Variants in GLIS3 observed in about 807,000 individuals in gnomAD.
GLIS3 encodes GLIS family zinc finger 3.
Under a neutral mutation model 78.6 loss-of-function variants are expected in GLIS3, and 53 were observed. That is an observed-to-expected ratio of 0.67 (90% CI 0.54 to 0.85). The LOEUF (loss-of-function observed/expected upper bound fraction) is 0.85, where lower values mean the gene tolerates loss of function less well. Among genes scored for constraint, GLIS3 ranks in the 40% least tolerant of loss-of-function variants. The pLI is 0.00. For synonymous variants in GLIS3, 684 were observed against 509.9 expected (o/e 1.34, Z -4.60); for missense variants, 1,703 against 1,231.1 (o/e 1.38, Z -5.74).
intron 6 of GLIS3, among the ~76,000 whole-genome samples, chr9:3,926,518 C>G (rs1423682025): frequency 6.6e-6 from 1 of 150,530 alleles, no homozygotes; most frequent in Non-Finnish European, 1.5e-5. Flanking sequence ...GCGTGAGCCA[C>G]CGCACGCGGC....
the GLIS3 span, among the ~76,000 whole-genome samples, chr9:4,387,324 T>A: frequency 6.6e-6 from 1 of 152,024 alleles, no homozygotes; most frequent in Admixed American, 6.6e-5. Flanking sequence ...CTTTTTTTGG[T>A]CAGGTTCTTA....
intron 8 of GLIS3, among the ~76,000 whole-genome samples, chr9:3,862,318 C>T (rs1163132570): frequency 1.3e-5 from 2 of 152,060 alleles, no homozygotes; most frequent in Admixed American, 6.6e-5. Flanking sequence ...AGTGGGAGAG[C>T]GTGTCAGCAA....
At chr9:4,356,587 G>C in the GLIS3 span, among the ~76,000 whole-genome samples, 1 of 152,224 alleles carries the variant, frequency 6.6e-6, no homozygotes, top group African/African-American at 2.4e-5. Flanking sequence ...GGGTCAAGCT[G>C]TCTCTATTGC....
the GLIS3 span, among the ~76,000 whole-genome samples, chr9:4,408,726 CAAAAAAAA>C: frequency 1.4e-4 from 8 of 56,758 alleles, no homozygotes; most frequent in African/African-American, 5.1e-4. Flanking sequence ...GACTCTGTCT[CAAAAAAAA>C]AAAAAAAAAA....
intron 8 of GLIS3, among the ~76,000 whole-genome samples, chr9:3,876,910 A>C (rs117072862): frequency 0.031 from 4,640 of 151,926 alleles, 99 homozygotes; most frequent in Middle Eastern, 0.058. Context: ...CCAAACAGTT[A>C]GCAACCGTCA....
chr9:4,081,046 T>C (rs886196382), intron 4 of GLIS3, among the ~76,000 whole-genome samples: 1 of 152,194 alleles, frequency 6.6e-6, no homozygotes, highest in Non-Finnish European at 1.5e-5. Context: ...TGTCCTTGAT[T>C]ACGGCAGTAG....
intron 2 of GLIS3, among the ~76,000 whole-genome samples, chr9:4,328,313 C>A (rs1451037180): frequency 2.6e-5 from 4 of 152,176 alleles, no homozygotes; most frequent in Non-Finnish European, 4.4e-5. Context: ...TTGGTCACAG[C>A]TCCCCCTGAA....
chr9:4,233,618 A>C (rs13300316), intron 2 of GLIS3, among the ~76,000 whole-genome samples: 1 of 152,086 alleles, frequency 6.6e-6, no homozygotes, highest in African/African-American at 2.4e-5. Flanking sequence ...ATAGATTAGC[A>C]TAATTCTTAA....
At chr9:4,406,416 G>T in the GLIS3 span, among the ~76,000 whole-genome samples, 2 of 152,148 alleles carry the variant, frequency 1.3e-5, no homozygotes, top group African/African-American at 4.8e-5. Flanking sequence ...CACCTCCCAG[G>T]TTCCAGCGAT....
the GLIS3 span, among the ~76,000 whole-genome samples, chr9:4,422,769 C>T: frequency 3.3e-5 from 5 of 152,210 alleles, 1 homozygote; most frequent in South Asian, 1.0e-3. Flanking sequence ...GTGCTGGGGG[C>T]GGGGCAGCCC....
the GLIS3 span, among the ~76,000 whole-genome samples, chr9:4,456,103 A>G: frequency 6.6e-6 from 1 of 151,992 alleles, no homozygotes; most frequent in Admixed American, 6.6e-5. Context: ...GTGAGACTCC[A>G]TCTAAGAAAA....
intron 4 of GLIS3, among the ~76,000 whole-genome samples, chr9:3,942,653 T>C (rs1305882649): frequency 1.3e-5 from 2 of 152,224 alleles, no homozygotes; most frequent in East Asian, 1.9e-4. Flanking sequence ...TGGAAGCTTC[T>C]TTCTAGAGCA....
chr9:4,413,073 A>G, the GLIS3 span, among the ~76,000 whole-genome samples: 1 of 152,340 alleles, frequency 6.6e-6, no homozygotes, highest in East Asian at 1.9e-4. Flanking sequence ...CACTACCCTA[A>G]CAAATACAAC....
At chr9:4,308,527 C>T (rs193166585) in intron 4 of GLIS3, among the ~76,000 whole-genome samples, 1 of 152,250 alleles carries the variant, frequency 6.6e-6, no homozygotes, top group African/African-American at 2.4e-5. Flanking sequence ...TCTCCTCCCT[C>T]CTCCCTGAGA....
chr9:4,189,332 T>C (rs1484624364), intron 2 of GLIS3, among the ~76,000 whole-genome samples: 1 of 152,218 alleles, frequency 6.6e-6, no homozygotes, highest in Non-Finnish European at 1.5e-5. Context: ...TAATCCTGAG[T>C]TCTAGTTTGA....
chr9:4,444,769 C>G, the GLIS3 span, among the ~76,000 whole-genome samples: 18 of 152,206 alleles, frequency 1.2e-4, no homozygotes, highest in African/African-American at 3.9e-4. Context: ...CTACCACAGG[C>G]TTTGCTGCAT....
chr9:4,311,345 G>A lies in GLIS3; in HGVS notation n.265-817C>T, dbSNP rs548985656. ...AATCACTTGAGCTGGAGAGGTGGAG[G>A]TTGCAGTGAGTTGAGATAGCACCAC... On this transcript the variant is annotated intron_variant and non_coding_transcript_variant, in intron 2 of 4. Coordinates refer to the GLIS3 transcript ENST00000471664. 7.2e-5 allele frequency among the ~76,000 whole-genome samples: 11 copies of A among 152,326 alleles called. No homozygotes were observed. The East Asian group carries it at 2.1e-3, about 29-fold the overall frequency.
chr9:4,291,880 A>G (rs1816010567), intron 1 of GLIS3, among the ~76,000 whole-genome samples: 1 of 152,164 alleles, frequency 6.6e-6, no homozygotes, highest in African/African-American at 2.4e-5. Flanking sequence ...AAATGTCACT[A>G]CTTTCACTAG....
intron 4 of GLIS3, among the ~76,000 whole-genome samples, chr9:3,941,134 C>A (rs956826173): frequency 6.6e-6 from 1 of 152,128 alleles, no homozygotes; most frequent in South Asian, 2.1e-4. Context: ...TTAGGGAATG[C>A]CATTCATACT....
Sources: gnomAD v4.1 joint callset for allele counts (sites outside exome capture counted in the v4.1 genomes callset) on GRCh38, gnomAD v4.1.1 for gene constraint, MANE v1.5 for transcripts, NCBI Gene and HGNC (gene_info 2026-07-23, HGNC 2026-07-21) for gene names.